Variants in UNC13C observed in about 807,000 individuals in gnomAD.
UNC13C encodes unc-13 homolog C.
In UNC13C, 174 loss-of-function variants were observed where a neutral mutation model predicts 245.4. The observed-to-expected ratio is 0.71, with a 90% CI of 0.63 to 0.80. The LOEUF (loss-of-function observed/expected upper bound fraction) is 0.80. Ranked by LOEUF, UNC13C falls within the 30% of genes least tolerant of loss-of-function variation. The pLI is 0.00. For missense variants in UNC13C, 2,829 were observed against 2,602.9 expected, an observed-to-expected ratio of 1.09 and a Z score of -1.89; for synonymous variants, 992 against 895.1, an observed-to-expected ratio of 1.11 and a Z score of -1.93.
chr15:54,323,250 G>T (rs2038212329), intron 14 of UNC13C, among the ~76,000 whole-genome samples: 1 of 151,900 alleles, frequency 6.6e-6, no homozygotes, highest in African/African-American at 2.4e-5. Context: ...CTCTTTTTCT[G>T]TCCTTTTCCT....
At chr15:54,029,845 A>C (rs72739059) in intron 2 of UNC13C, among the ~76,000 whole-genome samples, 9,244 of 152,262 alleles carry the variant, frequency 0.061, 328 homozygotes, top group Non-Finnish European at 0.07. Context: ...GCATATGGTC[A>C]TGCTCAGCTT....
chr15:54,148,333 C>A (rs2032370010), intron 4 of UNC13C, among the ~76,000 whole-genome samples: 1 of 152,176 alleles, frequency 6.6e-6, no homozygotes, highest in African/African-American at 2.4e-5. Flanking sequence ...CAAAGTCCTG[C>A]ACAATTCCAT....
At chr15:54,628,949 T>A (rs1943976572), downstream of UNC13C, 1 of 148,644 alleles carries the variant, frequency 6.7e-6, no homozygotes, top group African/African-American at 2.6e-5. Context: ...GCCAAAGGAA[T>A]ATCAAACAAA....
intron 4 of UNC13C, among the ~76,000 whole-genome samples, chr15:54,178,964 C>T (rs2033707659): frequency 6.6e-6 from 1 of 152,022 alleles, no homozygotes; most frequent in Admixed American, 6.6e-5. Flanking sequence ...ACAGAAAAAC[C>T]CAAGACCTAC....
chr15:54,594,183 A>G (rs559984979), intron 30 of UNC13C, among the ~76,000 whole-genome samples: 1 of 152,190 alleles, frequency 6.6e-6, no homozygotes, highest in South Asian at 2.1e-4. Context: ...TGAACCATCT[A>G]TGGGTCTCTC....
chr15:54,348,880 C>T (rs1021954541), intron 17 of UNC13C, among the ~76,000 whole-genome samples: 1 of 151,918 alleles, frequency 6.6e-6, no homozygotes, highest in South Asian at 2.1e-4. Flanking sequence ...ACAAAACTGG[C>T]TATAATATGT....
At position 54,294,081 on chromosome 15, in the gene UNC13C, T is replaced by G; in HGVS notation, c.3988+17T>G. ...ACAACTTAGGTGATTTTTTTTTTTA[T>G]CTACTTGAAAACGAGTTAAATAAAA... On this transcript the variant is annotated intron_variant, in intron 11 of 32. Transcript: ENST00000260323. 2 of 1,489,856 alleles carry G rather than the reference T, an allele frequency of 1.3e-6. No individual in the cohort carries two copies. The highest frequency in any genetic ancestry group is 2.9e-5 in the South Asian group (2 of 69,668). 92.3% of individuals were successfully genotyped at this position (1,489,856 alleles called of 1,614,324 possible).
At chr15:54,223,338 A>G (rs1042339870) in intron 4 of UNC13C, among the ~76,000 whole-genome samples, 3 of 152,194 alleles carry the variant, frequency 2.0e-5, no homozygotes, top group South Asian at 2.1e-4. Flanking sequence ...AGCACCATTT[A>G]TTGAAGAGGA....
the UNC13C span, among the ~76,000 whole-genome samples, chr15:53,925,862 C>T: frequency 6.6e-6 from 1 of 152,340 alleles, no homozygotes; most frequent in Middle Eastern, 3.4e-3. Context: ...AGGTGCTTCT[C>T]TTTTGTGACT....
intron 30 of UNC13C, among the ~76,000 whole-genome samples, chr15:54,576,071 G>A (rs1359665386): frequency 3.3e-5 from 5 of 152,244 alleles, no homozygotes; most frequent in Admixed American, 2.6e-4. Context: ...TTACAGTGAA[G>A]ATAAGCAAAC....
intron 12 of UNC13C, among the ~76,000 whole-genome samples, chr15:54,298,995 C>T (rs905489480): frequency 4.6e-5 from 7 of 151,984 alleles, no homozygotes; most frequent in Middle Eastern, 3.2e-3. Flanking sequence ...ATATTACACA[C>T]GATTTAGGTA....
the UNC13C span, among the ~76,000 whole-genome samples, chr15:53,841,118 A>G: frequency 6.6e-6 from 1 of 152,172 alleles, no homozygotes; most frequent in South Asian, 2.1e-4. Flanking sequence ...GTGCCACGCA[A>G]TTCATATACA....
At chr15:54,331,517 T>C (rs1316253047) in intron 14 of UNC13C, among the ~76,000 whole-genome samples, 5 of 152,112 alleles carry the variant, frequency 3.3e-5, no homozygotes, top group African/African-American at 1.2e-4. Flanking sequence ...CTTTCAGATA[T>C]GAAGTCTGCA....
At chr15:54,065,148 C>G (rs1451158721) in intron 2 of UNC13C, among the ~76,000 whole-genome samples, 1 of 152,172 alleles carries the variant, frequency 6.6e-6, no homozygotes, top group Non-Finnish European at 1.5e-5. Context: ...CAGGAGCTCA[C>G]TTTCTAGCTT....
At chr15:54,142,813 T>C (rs1366568333) in intron 2 of UNC13C, among the ~76,000 whole-genome samples, 1 of 152,206 alleles carries the variant, frequency 6.6e-6, no homozygotes, top group Non-Finnish European at 1.5e-5. Flanking sequence ...CTTTTATACT[T>C]TTCAAGCATT....
the UNC13C span, chr15:53,967,941 G>A: frequency 1.3e-5 from 2 of 151,822 alleles, no homozygotes; most frequent in Non-Finnish European, 2.9e-5. Context: ...TCAGTTATCT[G>A]TAGATCTCAA....
At chr15:54,221,502 G>C (rs750215865) in intron 4 of UNC13C, among the ~76,000 whole-genome samples, 1 of 151,548 alleles carries the variant, frequency 6.6e-6, no homozygotes, top group Non-Finnish European at 1.5e-5. Context: ...AATACATAAC[G>C]TTAGGCAAAA....
intron 7 of UNC13C, among the ~76,000 whole-genome samples, chr15:54,244,587 T>C (rs1004154591): frequency 6.6e-6 from 1 of 152,236 alleles, no homozygotes; most frequent in South Asian, 2.1e-4. Flanking sequence ...ACAATATTGA[T>C]TCTTCCTATC....
intron 30 of UNC13C, among the ~76,000 whole-genome samples, chr15:54,602,439 C>G (rs1190124981): frequency 6.6e-6 from 1 of 152,126 alleles, no homozygotes; most frequent in Non-Finnish European, 1.5e-5. Context: ...TTTCAGTGGC[C>G]ACCATAGTTC....
Sources: gnomAD v4.1 joint callset for allele counts (sites outside exome capture counted in the v4.1 genomes callset) on GRCh38, gnomAD v4.1.1 for gene constraint, MANE v1.5 for transcripts, NCBI Gene and HGNC (gene_info 2026-07-23, HGNC 2026-07-21) for gene names.